The following ZFHX3 variants were observed in gnomAD, a reference collection of about 807,000 sequenced individuals.
ZFHX3 encodes zinc finger homeobox protein 3.
ZFHX3 carries 42 observed loss-of-function variants against 279.1 expected under a neutral mutation model. The observed-to-expected ratio is 0.15, with a 90% confidence interval of 0.12 to 0.19. The LOEUF is 0.19. Ranked by LOEUF, ZFHX3 falls within the 10% of genes least tolerant of loss-of-function variation. ZFHX3 has a pLI of 1.00. For synonymous variants in ZFHX3, 2,293 were observed against 1,957.8 expected, an observed-to-expected ratio of 1.17 and a Z score of -4.52; for missense variants, 4,981 against 4,754.0, an observed-to-expected ratio of 1.05 and a Z score of -1.40.
At chr16:72,986,461 T>G (rs1962847815) in intron 1 of ZFHX3, among the ~76,000 whole-genome samples, 1 of 152,184 alleles carries the variant, frequency 6.6e-6, no homozygotes, top group Non-Finnish European at 1.5e-5. Flanking sequence ...AAATGCTGAT[T>G]GTAGAATGCA....
intron 5 of ZFHX3, among the ~76,000 whole-genome samples, chr16:73,233,441 T>C (rs1441425641): frequency 4.6e-5 from 7 of 152,208 alleles, no homozygotes; most frequent in Non-Finnish European, 8.8e-5. Flanking sequence ...CCCTCAAATG[T>C]ACCTTCTGAT....
intron 2 of ZFHX3, among the ~76,000 whole-genome samples, chr16:73,556,195 T>C (rs1438648896): frequency 1.3e-5 from 2 of 152,210 alleles, no homozygotes; most frequent in Non-Finnish European, 2.9e-5. Context: ...TAATAAGCTG[T>C]TGTTGGCTTT....
chr16:73,632,205 G>C (rs1160034051), intron 2 of ZFHX3, among the ~76,000 whole-genome samples: 1 of 152,126 alleles, frequency 6.6e-6, no homozygotes, highest in Non-Finnish European at 1.5e-5. Flanking sequence ...TGAAGGGCTT[G>C]TTCTGGGCAT....
intron 2 of ZFHX3, among the ~76,000 whole-genome samples, chr16:73,614,484 A>C (rs927412567): frequency 1.3e-5 from 2 of 152,200 alleles, no homozygotes; most frequent in Non-Finnish European, 2.9e-5. Context: ...GTAAAAGCTT[A>C]AAATAAAAAA....
chr16:72,915,590 C>G (rs1470753425), intron 3 of ZFHX3, among the ~76,000 whole-genome samples: 1 of 149,378 alleles, frequency 6.7e-6, no homozygotes, highest in Non-Finnish European at 1.5e-5. Flanking sequence ...AAGATCCAGT[C>G]TCTACAAAAA....
chr16:73,225,982 C>T (rs2012578993), intron 5 of ZFHX3, among the ~76,000 whole-genome samples: 1 of 152,156 alleles, frequency 6.6e-6, no homozygotes, highest in South Asian at 2.1e-4. Flanking sequence ...TGAGATGTAT[C>T]CTTCCTAGGA....
intron 1 of ZFHX3, among the ~76,000 whole-genome samples, chr16:73,700,688 A>G (rs2053238298): frequency 1.3e-5 from 2 of 152,246 alleles, no homozygotes; most frequent in South Asian, 4.1e-4. Flanking sequence ...TTAAAAGTTT[A>G]TTAGCGTGAT....
At chr16:73,077,379 G>C (rs756987953) in intron 8 of ZFHX3, among the ~76,000 whole-genome samples, 8 of 150,934 alleles carry the variant, frequency 5.3e-5, no homozygotes, top group Non-Finnish European at 8.9e-5. Context: ...TTTTCCAGGT[G>C]AAGTTCCAGA....
intron 7 of ZFHX3, among the ~76,000 whole-genome samples, chr16:73,114,646 T>A (rs1179182990): frequency 6.6e-6 from 1 of 151,896 alleles, no homozygotes; most frequent in Non-Finnish European, 1.5e-5. Flanking sequence ...GTCACTGCAC[T>A]CCAACCTAGG....
At position 73,187,170 on chromosome 16, in the gene ZFHX3, ACACT is replaced by A. The variant is rs1449940286; in HGVS notation, c.-1103-43343_-1103-43340del. The stretch of plus-strand genomic sequence containing the variant: ...CACACACACACACACACACACACAC[ACACT>A]CACTCAGTGGGAAATGTGTTTGTCT... On this transcript the variant is annotated intron_variant, in intron 5 of 17. Coordinates refer to the ZFHX3 transcript ENST00000641206. Among the ~76,000 whole-genome samples, 5 of 151,980 alleles carry A rather than the reference ACACT, an allele frequency of 3.3e-5. No homozygotes were observed. The South Asian group carries it at 6.3e-4, about 19-fold the overall frequency.
At chr16:72,863,505 C>G (rs1479958289) in intron 4 of ZFHX3, among the ~76,000 whole-genome samples, 2 of 148,250 alleles carry the variant, frequency 1.3e-5, no homozygotes. Flanking sequence ...GTGACAGAGA[C>G]AGAGAGAGAG....
At chr16:73,888,568 GA>G (rs1325556196) in intron 1 of ZFHX3, among the ~76,000 whole-genome samples, 5 of 152,164 alleles carry the variant, frequency 3.3e-5, no homozygotes, top group Non-Finnish European at 2.9e-5. Context: ...GAACTACAGA[GA>G]AAATATCAGC....
chr16:73,055,245 A>G lies in ZFHX3; in HGVS notation c.-24+3285T>C, dbSNP rs188572232. ...ACCCAACCTTATTTGCCTGAACTCAATAGGGTTTTTTTCTCCCCCTCCTCC... is the reference window on the plus strand; with the variant it reads ...ACCCAACCTTATTTGCCTGAACTCAGTAGGGTTTTTTTCTCCCCCTCCTCC... On this transcript the variant is annotated intron_variant, in intron 1 of 8. Coordinates refer to the ZFHX3 transcript ENST00000397992. Among the ~76,000 whole-genome samples, 408 of 152,114 alleles carry G rather than the reference A, an allele frequency of 2.7e-3. 1 individual carries two copies. The highest frequency in any genetic ancestry group is 4.6e-3 in the Non-Finnish European group (316 of 67,992).
intron 3 of ZFHX3, among the ~76,000 whole-genome samples, chr16:73,323,544 C>G (rs2143203860): frequency 6.6e-6 from 1 of 152,306 alleles, no homozygotes; most frequent in South Asian, 2.1e-4. Context: ...GTATGGACCA[C>G]TTGCTAGAGA....
At chr16:73,061,967 A>T (rs1008657544), upstream of ZFHX3, 6 of 152,184 alleles carry the variant, frequency 3.9e-5, no homozygotes, top group African/African-American at 7.2e-5. Flanking sequence ...GTAAATACTT[A>T]TGCTAATTTT....
chr16:73,866,458 C>A (rs1002156223), intron 1 of ZFHX3, among the ~76,000 whole-genome samples: 2 of 151,856 alleles, frequency 1.3e-5, no homozygotes, highest in African/African-American at 2.4e-5. Context: ...CCACCACCCC[C>A]GGAAGAACAC....
chr16:73,379,140 AT>A (rs1250123701), intron 3 of ZFHX3, among the ~76,000 whole-genome samples: 1 of 152,100 alleles, frequency 6.6e-6, no homozygotes, highest in African/African-American at 2.4e-5. Flanking sequence ...AATCCCAAAT[AT>A]TTTTTAGGAT....
intron 8 of ZFHX3, among the ~76,000 whole-genome samples, chr16:73,086,311 A>C (rs1190749617): frequency 1.3e-5 from 2 of 152,228 alleles, no homozygotes; most frequent in Non-Finnish European, 1.5e-5. Flanking sequence ...GGTTCCTCAA[A>C]AGTCTAAAAA....
intron 1 of ZFHX3, among the ~76,000 whole-genome samples, chr16:73,753,798 G>A (rs1178503096): frequency 6.6e-6 from 1 of 151,564 alleles, no homozygotes; most frequent in Non-Finnish European, 1.5e-5. Context: ...TTTTTTTTAA[G>A]AGAAAAACTC....
Sources: allele counts gnomAD v4.1 joint callset (sites outside exome capture counted in the v4.1 genomes callset), GRCh38; gene constraint gnomAD v4.1.1; transcripts MANE v1.5; gene names NCBI Gene and HGNC (gene_info 2026-07-23, HGNC 2026-07-21).